LRRTM4: variants seen among roughly 807,000 people sequenced by gnomAD.
The protein encoded by LRRTM4 is leucine rich repeat transmembrane neuronal 4, also known as leucine-rich repeat transmembrane neuronal protein 4.
LRRTM4 carries 25 observed loss-of-function variants against 47.6 expected under a neutral mutation model. The ratio of observed to expected loss-of-function variants is 0.53; its 90% confidence interval spans 0.38 to 0.73. LRRTM4 has a LOEUF of 0.73. Ranked by LOEUF, LRRTM4 falls within the 30% of genes least tolerant of loss-of-function variation. LRRTM4 has a pLI of 0.00. For synonymous variants in LRRTM4, 311 were observed against 269.5 expected (o/e 1.15, Z -1.51); for missense variants, 638 against 713.4 (o/e 0.89, Z 1.20).
chr2:77,283,774 G>C (rs752969140), intron 3 of LRRTM4, among the ~76,000 whole-genome samples: 4 of 151,892 alleles, frequency 2.6e-5, no homozygotes, highest in Non-Finnish European at 5.9e-5. Flanking sequence ...CTAAACATTA[G>C]ATACTCATGG....
intron 3 of LRRTM4, among the ~76,000 whole-genome samples, chr2:77,141,225 A>G (rs1672112311): frequency 1.3e-5 from 2 of 152,154 alleles, no homozygotes; most frequent in Non-Finnish European, 2.9e-5. Context: ...ACCAACCCAA[A>G]TGTCCATCAG....
Position 77,086,707 on chromosome 2 carries a change from C to A in LRRTM4, c.1552-337791G>T, listed in dbSNP as rs920940793. 2.0e-5 allele frequency among the ~76,000 whole-genome samples: 3 copies of A among 152,056 alleles called. No individual in the cohort carries two copies. The East Asian group carries it at 5.8e-4, about 29-fold the overall frequency. On this transcript the variant is annotated intron_variant, in intron 3 of 3. Transcript: ENST00000409884. ...ACGGGGTTTCACCACACTGGCCAGGCTGGTGGCGAAATCCTGACCTCAGGT... is the reference window on the plus strand; with the variant it reads ...ACGGGGTTTCACCACACTGGCCAGGATGGTGGCGAAATCCTGACCTCAGGT...
Position 76,903,864 on chromosome 2 carries a change from A to AT in LRRTM4, c.1552-154949dup, listed in dbSNP as rs201490982. Among the ~76,000 whole-genome samples the AT allele has an allele frequency of 8.5e-3, 1,299 of 152,262 alleles. 25 individuals carry two copies. Among genetic ancestry groups the AT allele is most frequent in the African/African-American group, 0.029 (1,194 of 41,544 alleles). On this transcript the variant is annotated intron_variant, in intron 3 of 3. Coordinates refer to ENST00000409884, the MANE Select transcript of LRRTM4 (RefSeq NM_001134745.3). ...TATGCTTCTTTTCTCAATTATGTAT[A>AT]TTTTTTACTATAATGGGAACCCTTG...
chr2:76,885,168 A>T (rs1673034089), intron 3 of LRRTM4, among the ~76,000 whole-genome samples: 1 of 151,976 alleles, frequency 6.6e-6, no homozygotes, highest in South Asian at 2.1e-4. Context: ...ATATTTTAAA[A>T]ACCACTCTAA....
At chr2:77,495,373 C>T (rs759809616) in intron 3 of LRRTM4, among the ~76,000 whole-genome samples, 1 of 151,904 alleles carries the variant, frequency 6.6e-6, no homozygotes, top group Non-Finnish European at 1.5e-5. Context: ...CTTCACAGTG[C>T]CTTTCAAAGA....
At chr2:77,155,154 T>C (rs1303791757) in intron 3 of LRRTM4, among the ~76,000 whole-genome samples, 1 of 152,136 alleles carries the variant, frequency 6.6e-6, no homozygotes, top group East Asian at 1.9e-4. Context: ...AAAGTACATT[T>C]TGATTTTAAA....
intron 3 of LRRTM4, among the ~76,000 whole-genome samples, chr2:77,321,673 G>T (rs974465657): frequency 6.6e-6 from 1 of 152,016 alleles, no homozygotes; most frequent in Non-Finnish European, 1.5e-5. Flanking sequence ...ATATTAGATA[G>T]ATATTTTTAA....
intron 3 of LRRTM4, among the ~76,000 whole-genome samples, chr2:77,412,972 TA>T (rs1674499280): frequency 6.6e-6 from 1 of 152,164 alleles, no homozygotes. Context: ...ATTTACTACT[TA>T]AAAAGCATTT....
At chr2:76,976,667 A>G (rs1012370272) in intron 3 of LRRTM4, among the ~76,000 whole-genome samples, 1 of 151,764 alleles carries the variant, frequency 6.6e-6, no homozygotes, top group African/African-American at 2.4e-5. Flanking sequence ...TATGGCATTC[A>G]AAGTAGAATT....
intron 3 of LRRTM4, among the ~76,000 whole-genome samples, chr2:77,427,125 C>T (rs895024806): frequency 4.0e-5 from 6 of 151,848 alleles, no homozygotes; most frequent in South Asian, 2.1e-4. Flanking sequence ...ACTACAGGTG[C>T]GCACCACCAC....
At chr2:76,763,583 C>T (rs531022260) in intron 3 of LRRTM4, among the ~76,000 whole-genome samples, 1 of 152,298 alleles carries the variant, frequency 6.6e-6, no homozygotes, top group Admixed American at 6.5e-5. Context: ...CTAGCCTATG[C>T]AGATGAGTTA....
chr2:76,796,428 T>C (rs1446831967), intron 3 of LRRTM4, among the ~76,000 whole-genome samples: 4 of 132,290 alleles, frequency 3.0e-5, no homozygotes, highest in Non-Finnish European at 6.4e-5. Flanking sequence ...TCTGACAGCT[T>C]TGAAGAGAGC....
intron 3 of LRRTM4, among the ~76,000 whole-genome samples, chr2:77,054,846 T>C (rs574424817): frequency 3.9e-5 from 6 of 152,286 alleles, no homozygotes; most frequent in East Asian, 3.9e-4. Context: ...ACTGGAAAAA[T>C]TGCAAAATCA....
At chr2:76,974,223 C>CATATAT (rs1294649444) in intron 3 of LRRTM4, among the ~76,000 whole-genome samples, 2,412 of 115,948 alleles carry the variant, frequency 0.021, 64 homozygotes, top group East Asian at 0.083. Context: ...CATATATATA[C>CATATAT]ATACATATAT....
intron 3 of LRRTM4, among the ~76,000 whole-genome samples, chr2:77,409,102 A>T (rs1350357795): frequency 6.6e-6 from 1 of 152,194 alleles, no homozygotes; most frequent in Non-Finnish European, 1.5e-5. Flanking sequence ...ATAGTTAATG[A>T]GAGAAAGAAA....
At chr2:76,792,174 T>A (rs776835802) in intron 3 of LRRTM4, among the ~76,000 whole-genome samples, 15 of 152,270 alleles carry the variant, frequency 9.9e-5, no homozygotes, top group Non-Finnish European at 1.5e-4. Context: ...ATCATATACA[T>A]GGCTTTTGGT....
intron 3 of LRRTM4, among the ~76,000 whole-genome samples, chr2:77,220,298 C>A (rs933203335): frequency 2.0e-5 from 3 of 152,120 alleles, no homozygotes; most frequent in African/African-American, 7.2e-5. Flanking sequence ...AATCAGAGCA[C>A]CTCTCCTCCT....
chr2:76,838,147 T>A (rs928711494), intron 3 of LRRTM4, among the ~76,000 whole-genome samples: 1 of 151,930 alleles, frequency 6.6e-6, no homozygotes, highest in Non-Finnish European at 1.5e-5. Flanking sequence ...TTCAAACTAT[T>A]AGTACTATTT....
intron 3 of LRRTM4, among the ~76,000 whole-genome samples, chr2:77,123,244 A>AGAGAGAGAGAGAGAGAGAGAGAGC (rs1553393782): frequency 6.6e-6 from 1 of 151,338 alleles, no homozygotes; most frequent in African/African-American, 2.4e-5. Context: ...AGAGAGAGAG[A>AGAGAGAGAGAGAGAGAGAGAGAGC]AATTTAATTC....
Sources: gnomAD v4.1 joint callset for allele counts (sites outside exome capture counted in the v4.1 genomes callset) on GRCh38, gnomAD v4.1.1 for gene constraint, MANE v1.5 for transcripts, NCBI Gene and HGNC (gene_info 2026-07-23, HGNC 2026-07-21) for gene names.